Variants in HAPLN1 observed in about 807,000 individuals in gnomAD.
HAPLN1 encodes the protein hyaluronan and proteoglycan link protein 1, also known as Cartilage link protein.
HAPLN1 carries 13 observed loss-of-function variants against 36.5 expected under a neutral mutation model. The observed-to-expected ratio is 0.36, with a 90% CI of 0.23 to 0.57. The LOEUF is 0.57. Among genes scored for constraint, HAPLN1 ranks in the 20% least tolerant of loss-of-function variants. HAPLN1 has a pLI of 0.83. For synonymous variants in HAPLN1, 202 were observed against 169.8 expected (o/e 1.19, Z -1.48); for missense variants, 407 against 439.7 (o/e 0.93, Z 0.66).
At chr5:83,673,869 T>C in intron 1 of HAPLN1, 1 of 221,478 alleles carries the variant, frequency 4.5e-6, no homozygotes, top group Non-Finnish European at 8.7e-6. Flanking sequence ...ACATACACAC[T>C]CTTAAAAAAA....
intron 1 of HAPLN1, among the ~76,000 whole-genome samples, chr5:83,678,976 G>A (rs969426): frequency 0.28 from 43,224 of 151,866 alleles, 6,623 homozygotes; most frequent in East Asian, 0.41. Flanking sequence ...TTGGCAGGGT[G>A]TGGAGAAAAA....
At chr5:83,672,004 T>C (rs1750739392) in intron 2 of HAPLN1, among the ~76,000 whole-genome samples, 1 of 152,194 alleles carries the variant, frequency 6.6e-6, no homozygotes, top group Non-Finnish European at 1.5e-5. Flanking sequence ...CTGAGATAAC[T>C]TGAGTCTGAC....
intron 1 of HAPLN1, among the ~76,000 whole-genome samples, chr5:83,703,981 T>A (rs561621565): frequency 1.3e-5 from 2 of 151,176 alleles, no homozygotes; most frequent in South Asian, 4.2e-4. Flanking sequence ...AAAAAAAGAA[T>A]GTTAAAGACA....
At chr5:83,719,600 T>C (rs1039614215) in intron 1 of HAPLN1, among the ~76,000 whole-genome samples, 14 of 152,222 alleles carry the variant, frequency 9.2e-5, no homozygotes, top group Admixed American at 7.2e-4. Flanking sequence ...AAATGGAATT[T>C]GTTAACTGAT....
At chr5:83,720,494 T>G (rs905424297) in intron 1 of HAPLN1, among the ~76,000 whole-genome samples, 24 of 152,296 alleles carry the variant, frequency 1.6e-4, no homozygotes, top group African/African-American at 5.8e-4. Context: ...AAGTCACCAC[T>G]TGGAAACCAT....
At chr5:83,650,992 G>A (rs1165212632) in intron 3 of HAPLN1, among the ~76,000 whole-genome samples, 1 of 152,036 alleles carries the variant, frequency 6.6e-6, no homozygotes, top group Non-Finnish European at 1.5e-5. Flanking sequence ...CTTTAAAACA[G>A]TGACCTTATT....
chr5:83,689,309 T>C (rs911703758), intron 1 of HAPLN1, among the ~76,000 whole-genome samples: 3 of 152,286 alleles, frequency 2.0e-5, no homozygotes, highest in African/African-American at 7.2e-5. Context: ...AACTGCTACA[T>C]ACACATAGCT....
chr5:83,720,216 G>T (rs1751990710), intron 1 of HAPLN1, among the ~76,000 whole-genome samples: 1 of 152,174 alleles, frequency 6.6e-6, no homozygotes. Context: ...TTGTATATAT[G>T]AAATGCATCA....
rs967384037 is a variant in HAPLN1 at position 83,640,985 on chromosome 5, T to C, written c.*511A>G. The C allele has an allele frequency of 6.6e-6, 1 of 152,082 alleles. No individual in the cohort carries two copies. The highest frequency in any genetic ancestry group is 1.5e-5 in the Non-Finnish European group (1 of 67,952). The allele number at this position is 152,082 out of a possible 1,614,324, so 9.4% of individuals were successfully genotyped here. A position where few individuals can be genotyped will look rare whatever the true frequency, so the allele number is the denominator to read the frequency against. ...TTCTGCCTATTAGAGACTTGAAATATTAACTTTTAGAAAGGTATAGATTGT... is the reference window on the plus strand; with the variant it reads ...TTCTGCCTATTAGAGACTTGAAATACTAACTTTTAGAAAGGTATAGATTGT... On this transcript the variant is annotated 3_prime_UTR_variant, in exon 5 of 5. Coordinates refer to ENST00000274341, the MANE Select transcript of HAPLN1 (RefSeq NM_001884.4).
At chr5:83,715,132 T>A (rs1348978362) in intron 1 of HAPLN1, among the ~76,000 whole-genome samples, 2 of 152,196 alleles carry the variant, frequency 1.3e-5, no homozygotes, top group Non-Finnish European at 2.9e-5. Context: ...TGAGGCTTAA[T>A]TACACCCTTT....
intron 2 of HAPLN1, among the ~76,000 whole-genome samples, chr5:83,654,024 C>T (rs1471683985): frequency 6.6e-6 from 1 of 152,216 alleles, no homozygotes; most frequent in East Asian, 1.9e-4. Context: ...TAATCCTTTG[C>T]CATGAATCAT....
At chr5:83,678,217 TTGGGTG>T (rs1349827653) in intron 1 of HAPLN1, among the ~76,000 whole-genome samples, 51 of 30,988 alleles carry the variant, frequency 1.6e-3, no homozygotes, top group Middle Eastern at 0.012. Flanking sequence ...TATCTATAGT[TTGGGTG>T]TGTGTGTGTG....
chr5:83,654,234 G>A (rs1475813289), intron 2 of HAPLN1, among the ~76,000 whole-genome samples: 1 of 152,156 alleles, frequency 6.6e-6, no homozygotes, highest in Non-Finnish European at 1.5e-5. Flanking sequence ...GCCTCAAAAA[G>A]CTGAAAAGTT....
intron 2 of HAPLN1, among the ~76,000 whole-genome samples, chr5:83,659,205 C>T (rs1175051122): frequency 2.6e-5 from 4 of 151,646 alleles, no homozygotes; most frequent in African/African-American, 7.3e-5. Context: ...ATCTGGGAGG[C>T]GGAGGTTGCA....
At chr5:83,669,715 C>T (rs1239532672) in intron 2 of HAPLN1, among the ~76,000 whole-genome samples, 2 of 151,870 alleles carry the variant, frequency 1.3e-5, no homozygotes, top group South Asian at 2.1e-4. Context: ...TTTTCCATAA[C>T]AGGGAGGAAG....
chr5:83,673,814 G>A, intron 1 of HAPLN1: 1 of 316,598 alleles, frequency 3.2e-6, no homozygotes, highest in Non-Finnish European at 5.8e-6. Flanking sequence ...AAACACTGTA[G>A]TTTGGATAGA....
chr5:83,714,764 C>T (rs1751879995), intron 1 of HAPLN1, among the ~76,000 whole-genome samples: 1 of 152,208 alleles, frequency 6.6e-6, no homozygotes, highest in Non-Finnish European at 1.5e-5. Flanking sequence ...TTTGGGGTGG[C>T]ATAAGGGCTC....
In HAPLN1 at chr5:83,641,353, T is replaced by A. The variant is rs1749686708; in HGVS notation, c.*143A>T. ...CTTTACAAAAAACAAATCAATGAAT[T>A]GATCTTTATGAAAATGACTCTTTAC... is the stretch of plus-strand genomic sequence containing the variant. On this transcript the variant is annotated 3_prime_UTR_variant, in exon 5 of 5. Coordinates refer to ENST00000274341, the MANE Select transcript of HAPLN1 (RefSeq NM_001884.4). 1 of 593,166 alleles carries A rather than the reference T, an allele frequency of 1.7e-6. No homozygotes were observed. The allele number at this position is 593,166 out of a possible 1,614,324, so 36.7% of individuals were successfully genotyped here.
intron 1 of HAPLN1, among the ~76,000 whole-genome samples, chr5:83,710,019 G>T (rs1751741245): frequency 6.6e-6 from 1 of 152,164 alleles, no homozygotes; most frequent in African/African-American, 2.4e-5. Context: ...ATAAAATTGG[G>T]GTGGTTCAAA....
Sources: allele counts gnomAD v4.1 joint callset (sites outside exome capture counted in the v4.1 genomes callset), GRCh38; gene constraint gnomAD v4.1.1; transcripts MANE v1.5; gene names NCBI Gene and HGNC (gene_info 2026-07-23, HGNC 2026-07-21).